CCNY: variants seen among roughly 807,000 people sequenced by gnomAD.
CCNY encodes the protein cyclin-Y.
In CCNY, 19 loss-of-function variants were observed where a neutral mutation model predicts 42.8. The observed-to-expected ratio is 0.44, with a 90% CI of 0.31 to 0.65. The LOEUF (loss-of-function observed/expected upper bound fraction) is 0.65, where lower values mean the gene tolerates loss of function less well. CCNY is among the 30% of genes least tolerant of loss of function. The pLI, the probability that CCNY is intolerant of heterozygous loss-of-function variation, is 0.07. For synonymous variants in CCNY, 165 were observed against 162.7 expected (o/e 1.01, Z -0.11); for missense variants, 370 against 437.3 (o/e 0.85, Z 1.37).
intron 1 of CCNY, among the ~76,000 whole-genome samples, chr10:35,413,587 G>T (rs956994864): frequency 6.6e-6 from 1 of 152,170 alleles, no homozygotes; most frequent in Non-Finnish European, 1.5e-5. Context: ...AGAAGCTCTG[G>T]GACATACAGT....
At chr10:35,492,092 A>G (rs1408845273) in intron 2 of CCNY, among the ~76,000 whole-genome samples, 1 of 151,658 alleles carries the variant, frequency 6.6e-6, no homozygotes, top group African/African-American at 2.4e-5. Context: ...GCCCCTTCCC[A>G]GTCTCCTGCC....
chr10:35,397,079 G>A (rs115877820), intron 1 of CCNY, among the ~76,000 whole-genome samples: 142 of 152,266 alleles, frequency 9.3e-4, no homozygotes, highest in African/African-American at 3.4e-3. Context: ...TTACCACATA[G>A]CCCTGTTCTT....
rs919889366 is a variant in CCNY, at chr10:35,376,134, C to T, written c.154+38927C>T. Among the ~76,000 whole-genome samples the T allele has an allele frequency of 1.8e-4, 27 of 152,164 alleles. 1 individual carries two copies. The highest frequency in any genetic ancestry group is 1.5e-5 in the Non-Finnish European group (1 of 68,038). On this transcript the variant is annotated intron_variant, in intron 1 of 9. Coordinates refer to ENST00000374704, the MANE Select transcript of CCNY (RefSeq NM_145012.6). Reference sequence around the variant, plus strand: ...AGACTTTTATCTCAGCATCCCTCAACCTGGCACAGCAGTTATTAAACTTTT... The same window carrying T: ...AGACTTTTATCTCAGCATCCCTCAATCTGGCACAGCAGTTATTAAACTTTT...
At chr10:35,364,618 A>G (rs1836770676) in intron 1 of CCNY, among the ~76,000 whole-genome samples, 1 of 152,232 alleles carries the variant, frequency 6.6e-6, no homozygotes. Context: ...GCCTTCTGTG[A>G]AAGTCAGCTT....
chr10:35,335,388 T>G (rs369465736), upstream of CCNY, among the ~76,000 whole-genome samples: 4 of 152,202 alleles, frequency 2.6e-5, no homozygotes, highest in East Asian at 3.9e-4. Context: ...GTTTTCTATC[T>G]CATGTTAACC....
intron 3 of CCNY, among the ~76,000 whole-genome samples, chr10:35,309,640 C>T (rs888085164): frequency 6.6e-6 from 1 of 151,888 alleles, no homozygotes; most frequent in Non-Finnish European, 1.5e-5. Flanking sequence ...AGGCTGGTCT[C>T]GAACTCCTCG....
At chr10:35,560,514 G>A (rs868726505) in intron 8 of CCNY, among the ~76,000 whole-genome samples, 2 of 152,146 alleles carry the variant, frequency 1.3e-5, no homozygotes, top group African/African-American at 4.8e-5. Context: ...TGCAAGCTAC[G>A]GAGAGCAGCC....
intron 1 of CCNY, among the ~76,000 whole-genome samples, chr10:35,427,200 G>A (rs888486438): frequency 1.3e-5 from 2 of 152,262 alleles, no homozygotes; most frequent in African/African-American, 4.8e-5. Flanking sequence ...GATAGAGTGA[G>A]TTTTGTCAGT....
At chr10:35,313,908 G>A (rs575254904) in intron 3 of CCNY, among the ~76,000 whole-genome samples, 8 of 151,016 alleles carry the variant, frequency 5.3e-5, no homozygotes, top group East Asian at 3.9e-4. Context: ...CCTGGGAGGC[G>A]GAGGTTGCAG....
rs187081401 is a variant in CCNY, at chr10:35,412,221, T to G, written c.155-71183T>G. 2.4e-3 allele frequency among the ~76,000 whole-genome samples: 364 copies of G among 152,320 alleles called. 1 individual carries two copies. Among genetic ancestry groups the G allele is most frequent in the South Asian group, 7.0e-3 (34 of 4,830 alleles). ...GCAGAGGGGGAAGTTGTAACTTCGT[T>G]ACAGGGAGGGAGTGGGCAGTTGGAA... is the stretch of plus-strand genomic sequence containing the variant. On this transcript the variant is annotated intron_variant, in intron 1 of 9. Transcript: ENST00000374704.
chr10:35,460,813 CTTGTT>C (rs1839142242), intron 1 of CCNY, among the ~76,000 whole-genome samples: 1 of 152,162 alleles, frequency 6.6e-6, no homozygotes, highest in Non-Finnish European at 1.5e-5. Flanking sequence ...CCCAGGTTCT[CTTGTT>C]TTATTTGTTA....
chr10:35,533,490 C>A (rs1840814575), intron 7 of CCNY, among the ~76,000 whole-genome samples: 1 of 152,202 alleles, frequency 6.6e-6, no homozygotes, highest in Non-Finnish European at 1.5e-5. Flanking sequence ...CGGACACACA[C>A]CTGCCTCGGG....
intron 1 of CCNY, among the ~76,000 whole-genome samples, chr10:35,470,337 A>G (rs553104555): frequency 8.1e-4 from 123 of 152,208 alleles, no homozygotes; most frequent in African/African-American, 2.6e-3. Context: ...GGACAGGGAG[A>G]TGGAGGGACA....
At chr10:35,423,179 A>C (rs773590885) in intron 1 of CCNY, among the ~76,000 whole-genome samples, 10 of 151,490 alleles carry the variant, frequency 6.6e-5, no homozygotes, top group Non-Finnish European at 1.2e-4. Context: ...TTTTTCATTT[A>C]TTTAAAAATT....
intron 1 of CCNY, among the ~76,000 whole-genome samples, chr10:35,375,718 C>A (rs1208001142): frequency 1.3e-5 from 2 of 152,114 alleles, no homozygotes; most frequent in Admixed American, 1.3e-4. Flanking sequence ...GAGGGTCTAC[C>A]CTTGGGATTC....
chr10:35,528,710 CA>C (rs1840703355), intron 5 of CCNY, among the ~76,000 whole-genome samples: 1 of 152,208 alleles, frequency 6.6e-6, no homozygotes, highest in Non-Finnish European at 1.5e-5. Context: ...GGTGACAGAG[CA>C]AGACTCCGTC....
At chr10:35,482,277 G>A (rs952663416) in intron 1 of CCNY, among the ~76,000 whole-genome samples, 2 of 152,126 alleles carry the variant, frequency 1.3e-5, no homozygotes, top group Non-Finnish European at 2.9e-5. Flanking sequence ...TTTTCTTAGT[G>A]TTGATTAGGT....
intron 1 of CCNY, among the ~76,000 whole-genome samples, chr10:35,440,910 T>G (rs7894949): frequency 0.022 from 3,368 of 152,284 alleles, 119 homozygotes; most frequent in African/African-American, 0.076. Flanking sequence ...TTAAGACATC[T>G]CTTTTCACAC....
At chr10:35,540,447 TA>T (rs1840975770) in intron 7 of CCNY, among the ~76,000 whole-genome samples, 1 of 152,260 alleles carries the variant, frequency 6.6e-6, no homozygotes, top group Non-Finnish European at 1.5e-5. Flanking sequence ...CTCAGTTTGC[TA>T]GTCTTTTGTT....
Sources: gnomAD v4.1 joint callset for allele counts (sites outside exome capture counted in the v4.1 genomes callset) on GRCh38, gnomAD v4.1.1 for gene constraint, MANE v1.5 for transcripts, NCBI Gene and HGNC (gene_info 2026-07-23, HGNC 2026-07-21) for gene names.